Variants in HS3ST4 observed in about 807,000 individuals in gnomAD.
HS3ST4 encodes heparan sulfate glucosamine 3-O-sulfotransferase 4.
A neutral mutation model predicts 29.2 loss-of-function variants in HS3ST4; 17 were observed. The ratio of observed to expected loss-of-function variants is 0.58; its 90% confidence interval spans 0.40 to 0.87. The LOEUF (loss-of-function observed/expected upper bound fraction) is 0.87. Among genes scored for constraint, HS3ST4 ranks in the 40% least tolerant of loss-of-function variants. The pLI, the probability that HS3ST4 is intolerant of heterozygous loss-of-function variation, is 0.00. For missense variants in HS3ST4, 627 were observed against 634.5 expected (o/e 0.99, Z 0.13); for synonymous variants, 314 against 285.7 (o/e 1.10, Z -1.00).
At chr16:25,756,125 C>T (rs981023453) in intron 1 of HS3ST4, among the ~76,000 whole-genome samples, 1 of 118,822 alleles carries the variant, frequency 8.4e-6, no homozygotes, top group Non-Finnish European at 1.7e-5. Flanking sequence ...CACACACACA[C>T]ATACACACAC....
chr16:25,759,568 T>G (rs995011039), intron 1 of HS3ST4, among the ~76,000 whole-genome samples: 1 of 152,010 alleles, frequency 6.6e-6, no homozygotes, highest in Non-Finnish European at 1.5e-5. Flanking sequence ...GTTGTGACTG[T>G]TAGCTGAGAG....
At chr16:25,715,730 T>G (rs1295887861) in intron 1 of HS3ST4, among the ~76,000 whole-genome samples, 1 of 152,230 alleles carries the variant, frequency 6.6e-6, no homozygotes, top group Non-Finnish European at 1.5e-5. Flanking sequence ...AGATTAAGTT[T>G]CTGAAGCAGT....
intron 1 of HS3ST4, among the ~76,000 whole-genome samples, chr16:25,775,402 T>C (rs770072924): frequency 2.6e-5 from 4 of 152,248 alleles, no homozygotes; most frequent in Non-Finnish European, 5.9e-5. Flanking sequence ...GGGCTTGTTA[T>C]ATGGTTTACT....
intron 1 of HS3ST4, among the ~76,000 whole-genome samples, chr16:25,982,812 A>G (rs1198725196): frequency 1.3e-5 from 2 of 152,238 alleles, no homozygotes; most frequent in African/African-American, 2.4e-5. Flanking sequence ...CCAGGGCCAC[A>G]GAGCAAGATC....
intron 1 of HS3ST4, among the ~76,000 whole-genome samples, chr16:25,711,636 G>A (rs1966416201): frequency 6.6e-6 from 1 of 152,122 alleles, no homozygotes; most frequent in South Asian, 2.1e-4. Context: ...TTAGAAAAGT[G>A]TTCTCATGAG....
At chr16:25,864,945 CAT>C (rs71158976) in intron 1 of HS3ST4, among the ~76,000 whole-genome samples, 41,822 of 149,798 alleles carry the variant, frequency 0.28, 6,198 homozygotes, top group East Asian at 0.45. Context: ...TATACACACA[CAT>C]ATATATATAC....
chr16:25,929,667 C>T (rs541412818), intron 1 of HS3ST4, among the ~76,000 whole-genome samples: 1 of 152,306 alleles, frequency 6.6e-6, no homozygotes, highest in Non-Finnish European at 1.5e-5. Context: ...GCATTAGAAT[C>T]TCAAGGGCTT....
intron 1 of HS3ST4, among the ~76,000 whole-genome samples, chr16:25,759,404 C>T (rs575885007): frequency 7.9e-5 from 12 of 152,290 alleles, no homozygotes; most frequent in Middle Eastern, 3.4e-3. Context: ...AAGAAAACAG[C>T]GTTTCTGCCT....
chr16:25,905,318 A>G (rs1968168249), intron 1 of HS3ST4, among the ~76,000 whole-genome samples: 1 of 151,806 alleles, frequency 6.6e-6, no homozygotes, highest in South Asian at 2.1e-4. Context: ...GACAGGTGGG[A>G]TTGCAAAAAA....
At chr16:25,795,155 T>C (rs1966880288) in intron 1 of HS3ST4, among the ~76,000 whole-genome samples, 3 of 152,006 alleles carry the variant, frequency 2.0e-5, no homozygotes, top group Admixed American at 2.0e-4. Flanking sequence ...GTATTTTTAG[T>C]AGAGACGAAG....
At chr16:26,064,455 G>A (rs1898518223) in intron 1 of HS3ST4, among the ~76,000 whole-genome samples, 1 of 152,092 alleles carries the variant, frequency 6.6e-6, no homozygotes. Context: ...GCACGCAGAT[G>A]TCATGGAGGA....
At chr16:26,099,907 G>A (rs141459947) in intron 1 of HS3ST4, among the ~76,000 whole-genome samples, 2 of 152,252 alleles carry the variant, frequency 1.3e-5, no homozygotes, top group Non-Finnish European at 2.9e-5. Flanking sequence ...AAGGATTTTA[G>A]AGGTTATCCT....
intron 1 of HS3ST4, among the ~76,000 whole-genome samples, chr16:25,862,491 C>A (rs1165691114): frequency 1.3e-5 from 2 of 152,204 alleles, no homozygotes; most frequent in East Asian, 1.9e-4. Flanking sequence ...CCTCACCCAG[C>A]CTTCCTATGA....
At chr16:25,762,398 G>A (rs778412421) in intron 1 of HS3ST4, among the ~76,000 whole-genome samples, 2 of 152,136 alleles carry the variant, frequency 1.3e-5, no homozygotes, top group Admixed American at 6.5e-5. Context: ...CATGGGCTGG[G>A]CAGTTCCTTG....
At chr16:25,854,707 C>G (rs1403679703) in intron 1 of HS3ST4, among the ~76,000 whole-genome samples, 1 of 151,334 alleles carries the variant, frequency 6.6e-6, no homozygotes, top group Admixed American at 6.6e-5. Flanking sequence ...GAGACTACTT[C>G]TTGTGGCTCT....
At chr16:26,118,343 G>C (rs1899226370) in intron 1 of HS3ST4, among the ~76,000 whole-genome samples, 1 of 152,158 alleles carries the variant, frequency 6.6e-6, no homozygotes, top group Non-Finnish European at 1.5e-5. Context: ...GACTCCCAAA[G>C]TTCAAAGGGC....
At chr16:25,793,892 C>T (rs1479380489) in intron 1 of HS3ST4, among the ~76,000 whole-genome samples, 1 of 151,730 alleles carries the variant, frequency 6.6e-6, no homozygotes, top group Non-Finnish European at 1.5e-5. Flanking sequence ...TTTTTTCCCT[C>T]TATTTGTTTT....
chr16:25,803,152 T>C (rs1567243263), intron 1 of HS3ST4, among the ~76,000 whole-genome samples: 1 of 152,092 alleles, frequency 6.6e-6, no homozygotes, highest in Admixed American at 6.6e-5. Flanking sequence ...ATGATTGTAA[T>C]TGTAATAAGT....
intron 1 of HS3ST4, among the ~76,000 whole-genome samples, chr16:25,732,818 G>A (rs777469591): frequency 3.3e-5 from 5 of 152,158 alleles, no homozygotes; most frequent in Non-Finnish European, 7.4e-5. Context: ...CTAGCTGTGG[G>A]ACTTCGGACA....
Sources: gnomAD v4.1 joint callset for allele counts (sites outside exome capture counted in the v4.1 genomes callset) on GRCh38, gnomAD v4.1.1 for gene constraint, MANE v1.5 for transcripts, NCBI Gene and HGNC (gene_info 2026-07-23, HGNC 2026-07-21) for gene names.